ADGRL2: variants seen among roughly 807,000 people sequenced by gnomAD.
ADGRL2 encodes the protein adhesion G protein-coupled receptor L2, also known as calcium-independent alpha-latrotoxin receptor 2.
Under a neutral mutation model 157.4 loss-of-function variants are expected in ADGRL2, and 44 were observed. The ratio of observed to expected loss-of-function variants is 0.28; its 90% CI spans 0.22 to 0.36. ADGRL2 has a LOEUF of 0.36. Among genes scored for constraint, ADGRL2 ranks in the 10% least tolerant of loss-of-function variants. ADGRL2 has a pLI of 1.00. For synonymous variants in ADGRL2, 585 were observed against 624.7 expected (o/e 0.94, Z 0.95); for missense variants, 1,510 against 1,768.9 (o/e 0.85, Z 2.63).
intron 1 of ADGRL2, among the ~76,000 whole-genome samples, chr1:81,339,018 A>G (rs1661860337): frequency 6.6e-6 from 1 of 152,198 alleles, no homozygotes; most frequent in African/African-American, 2.4e-5. Context: ...CTCAGCATAC[A>G]AAACTCAGTT....
chr1:81,385,284 T>C (rs1024794386), intron 1 of ADGRL2, among the ~76,000 whole-genome samples: 16 of 152,156 alleles, frequency 1.1e-4, no homozygotes, highest in African/African-American at 3.4e-4. Context: ...CATAAAGCCA[T>C]GTGAATATAA....
chr1:81,311,472 G>A (rs1355153612), intron 1 of ADGRL2, among the ~76,000 whole-genome samples: 1 of 152,036 alleles, frequency 6.6e-6, no homozygotes, highest in African/African-American at 2.4e-5. Flanking sequence ...ACTACTTGAG[G>A]GTGAAAATCA....
intron 3 of ADGRL2, among the ~76,000 whole-genome samples, chr1:81,929,037 A>G (rs976236123): frequency 2.0e-5 from 3 of 152,220 alleles, no homozygotes; most frequent in African/African-American, 7.2e-5. Context: ...CTAATTCTTT[A>G]ATTAGTAATT....
chr1:81,649,532 A>G (rs1006199137), intron 3 of ADGRL2, among the ~76,000 whole-genome samples: 1 of 152,140 alleles, frequency 6.6e-6, no homozygotes, highest in Non-Finnish European at 1.5e-5. Context: ...GTTGATTTCC[A>G]TCTCCATTTC....
intron 2 of ADGRL2, among the ~76,000 whole-genome samples, chr1:81,451,893 ACAC>A (rs1438374681): frequency 5.3e-5 from 8 of 152,232 alleles, no homozygotes; most frequent in Non-Finnish European, 1.2e-4. Context: ...ATAAAATAAT[ACAC>A]CTGTCTTTCA....
intron 1 of ADGRL2, among the ~76,000 whole-genome samples, chr1:81,311,401 T>C (rs963927063): frequency 2.0e-5 from 3 of 152,194 alleles, no homozygotes; most frequent in African/African-American, 4.8e-5. Context: ...AATTACGTTC[T>C]TTTTTCATAT....
At position 81,321,514 on chromosome 1, in the gene ADGRL2, G is replaced by A. The variant is rs1466226248; in HGVS notation, c.-302+15005G>A. Among the ~76,000 whole-genome samples, 5 of 152,084 alleles carry A rather than the reference G, an allele frequency of 3.3e-5. No homozygotes were observed. In the South Asian group the frequency reaches 8.3e-4, roughly 25 times the overall value. Reference sequence around the variant, plus strand: ...TCCTTTCACGTAGAGGCCATTGTATGGTTATTAATTGGCTTAATTTCAATA... The same window carrying A: ...TCCTTTCACGTAGAGGCCATTGTATAGTTATTAATTGGCTTAATTTCAATA... On this transcript the variant is annotated intron_variant, in intron 1 of 24. Transcript: ENST00000370721.
intron 2 of ADGRL2, among the ~76,000 whole-genome samples, chr1:81,773,276 T>C (rs549784468): frequency 1.3e-5 from 2 of 152,376 alleles, no homozygotes; most frequent in African/African-American, 4.8e-5. Context: ...TGAGTTTCTG[T>C]AACTTGCAGC....
Position 81,907,112 on chromosome 1 carries a change from A to C in ADGRL2, c.169A>C (p.Ile57Leu). 6.2e-7 allele frequency: 1 copy of C among 1,614,144 alleles called. No individual in the cohort carries two copies. The highest frequency in any genetic ancestry group is 2.2e-5 in the East Asian group (1 of 44,874). The change falls in exon 3 of 24, where the codon ATC (isoleucine) becomes CTC (leucine). Residue 57 changes from isoleucine to leucine, a missense_variant. Physicochemically the swap from Ile to Leu is conservative, Grantham distance 5. Transcript: ENST00000686636. ...IDLRCPGSDV[I>L]MIESANYGRT... Reference sequence around the variant, plus strand: ...TCTGCGATGCCCGGGCAGTGATGTCATCATGATTGAGAGCGCTAACTATGG... The same window carrying C: ...TCTGCGATGCCCGGGCAGTGATGTCCTCATGATTGAGAGCGCTAACTATGG...
intron 1 of ADGRL2, among the ~76,000 whole-genome samples, chr1:81,309,618 T>G (rs1659598199): frequency 6.6e-6 from 1 of 152,184 alleles, no homozygotes; most frequent in Admixed American, 6.5e-5. Context: ...TTTTCAAAGT[T>G]CTTCATCTCA....
At position 81,980,919 on chromosome 1, in the gene ADGRL2, T is replaced by A. The variant is rs971124612; in HGVS notation, c.3114-889T>A. ...ATTCGTCAGTATCATGAATTGCCCT[T>A]AATTTTTATAATTATTTTGAAATAT... On this transcript the variant is annotated intron_variant, in intron 18 of 23. Transcript: ENST00000686636. 6.9e-6 allele frequency: 4 copies of A among 577,030 alleles called. No homozygotes were observed. The African/African-American group carries it at 7.6e-5, about 11-fold the overall frequency. 35.7% of individuals were successfully genotyped at this position (577,030 alleles called of 1,614,324 possible). A position where few individuals can be genotyped will look rare whatever the true frequency, so the allele number is the denominator to read the frequency against.
chr1:81,966,964 T>A (rs1657239020), intron 13 of ADGRL2, among the ~76,000 whole-genome samples: 1 of 152,214 alleles, frequency 6.6e-6, no homozygotes, highest in African/African-American at 2.4e-5. Context: ...CTCTTAGGAC[T>A]CTGCCTTTCT....
At chr1:81,410,535 A>T (rs551748742) in intron 1 of ADGRL2, among the ~76,000 whole-genome samples, 1 of 152,222 alleles carries the variant, frequency 6.6e-6, no homozygotes, top group African/African-American at 2.4e-5. Context: ...GGTTGCAGGC[A>T]AGAAAAGAAT....
intron 3 of ADGRL2, among the ~76,000 whole-genome samples, chr1:81,657,506 G>A (rs2082561086): frequency 6.6e-6 from 1 of 152,136 alleles, no homozygotes; most frequent in Admixed American, 6.5e-5. Flanking sequence ...ATATATTAAT[G>A]AAGGAATTCT....
At chr1:81,518,220 T>C (rs1199674901) in intron 2 of ADGRL2, among the ~76,000 whole-genome samples, 1 of 152,172 alleles carries the variant, frequency 6.6e-6, no homozygotes, top group Non-Finnish European at 1.5e-5. Context: ...TTAGCAAATA[T>C]TAGATAAGCA....
chr1:81,823,050 G>A (rs2091141284), intron 1 of ADGRL2, among the ~76,000 whole-genome samples: 1 of 150,968 alleles, frequency 6.6e-6, no homozygotes, highest in South Asian at 2.1e-4. Context: ...ATATTTAAGT[G>A]TTTAATTAAA....
chr1:81,925,334 A>G (rs1043786294), intron 3 of ADGRL2, among the ~76,000 whole-genome samples: 6 of 152,162 alleles, frequency 3.9e-5, no homozygotes, highest in Non-Finnish European at 7.4e-5. Context: ...TACACAAAAT[A>G]TCCTATGAGT....
intron 2 of ADGRL2, among the ~76,000 whole-genome samples, chr1:81,483,302 G>T (rs1427786265): frequency 6.6e-6 from 1 of 152,140 alleles, no homozygotes; most frequent in Non-Finnish European, 1.5e-5. Context: ...GGCTGTTATA[G>T]CCTAAGAAGA....
intron 2 of ADGRL2, among the ~76,000 whole-genome samples, chr1:81,525,324 CTTT>C (rs545415874): frequency 6.8e-6 from 1 of 146,590 alleles, no homozygotes; most frequent in Non-Finnish European, 1.5e-5. Context: ...CCAAAGTGCA[CTTT>C]TTTTTTTTTG....
Sources: gnomAD v4.1 joint callset for allele counts (sites outside exome capture counted in the v4.1 genomes callset) on GRCh38, gnomAD v4.1.1 for gene constraint, MANE v1.5 for transcripts, NCBI Gene and HGNC (gene_info 2026-07-23, HGNC 2026-07-21) for gene names.